EVI5: variants seen among roughly 807,000 people sequenced by gnomAD.
EVI5 encodes the protein ecotropic viral integration site 5, also known as ecotropic viral integration site 5 protein homolog.
A neutral mutation model predicts 112.0 loss-of-function variants in EVI5; 73 were observed. The observed-to-expected ratio is 0.65, with a 90% CI of 0.54 to 0.79. The LOEUF (loss-of-function observed/expected upper bound fraction) is 0.79, where lower values mean the gene tolerates loss of function less well. Among genes scored for constraint, EVI5 ranks in the 30% least tolerant of loss-of-function variants. The probability of loss-of-function intolerance (pLI) is 0.00; values close to 1 mark genes in which losing one functional copy is unlikely to be tolerated. For synonymous variants in EVI5, 305 were observed against 319.9 expected, an observed-to-expected ratio of 0.95 and a Z score of 0.50; for missense variants, 900 against 968.8, an observed-to-expected ratio of 0.93 and a Z score of 0.94.
intron 1 of EVI5, among the ~76,000 whole-genome samples, chr1:92,744,078 A>G (rs542241667): frequency 4.1e-4 from 62 of 152,204 alleles, no homozygotes; most frequent in African/African-American, 1.4e-3. Flanking sequence ...TGTTACTTAG[A>G]AGTGTGTTTT....
intron 16 of EVI5, among the ~76,000 whole-genome samples, chr1:92,615,226 C>G (rs907042679): frequency 6.6e-6 from 1 of 152,030 alleles, no homozygotes; most frequent in Non-Finnish European, 1.5e-5. Context: ...ATGTGGAGAA[C>G]CAAGGAATGT....
rs921423006 is a variant in EVI5 at position 92,611,925 on chromosome 1, GA to G, written c.1828-4199del. 6.7e-3 allele frequency among the ~76,000 whole-genome samples: 982 copies of G among 147,482 alleles called. 13 individuals carry two copies. The highest frequency in any genetic ancestry group is 0.023 in the African/African-American group (930 of 40,096). ...AAACAGTGAGACCCTATTTAAAAAA[GA>G]AAAAAAAATTAAATAGAAAAAAAAG... On this transcript the variant is annotated intron_variant, in intron 16 of 19. Coordinates refer to ENST00000684568, the MANE Select transcript of EVI5 (RefSeq NM_001350197.2).
intron 19 of EVI5, among the ~76,000 whole-genome samples, chr1:92,549,383 A>G (rs187623821): frequency 1.6e-4 from 24 of 152,210 alleles, no homozygotes; most frequent in African/African-American, 5.1e-4. Flanking sequence ...TAGACCTAAA[A>G]CTATAAAAAC....
Position 92,784,820 on chromosome 1 carries a change from G to A in EVI5, c.-82+16C>T, listed in dbSNP as rs1015939574. On this transcript the variant is annotated intron_variant, in intron 1 of 19. Coordinates refer to ENST00000684568, the MANE Select transcript of EVI5 (RefSeq NM_001350197.2). ...CCGGCCTCCCGGCCCGCCCGGCCTG[G>A]CGCAGCGCCCCTCACCTTGGAAACG... 2 of 985,576 alleles carry A rather than the reference G, an allele frequency of 2.0e-6. No homozygotes were observed. Among genetic ancestry groups the A allele is most frequent in the East Asian group, 2.3e-4 (2 of 8,816 alleles). 61.1% of individuals were successfully genotyped at this position (985,576 alleles called of 1,614,324 possible).
intron 2 of EVI5, among the ~76,000 whole-genome samples, chr1:92,723,574 C>T (rs12078923): frequency 0.024 from 3,625 of 152,262 alleles, 166 homozygotes; most frequent in African/African-American, 0.083. Flanking sequence ...TCTCTTAATC[C>T]TGTTATCTTC....
At chr1:92,523,414 C>A (rs1040454172) in intron 19 of EVI5, among the ~76,000 whole-genome samples, 1 of 151,312 alleles carries the variant, frequency 6.6e-6, no homozygotes, top group Non-Finnish European at 1.5e-5. Context: ...AGTTATATTT[C>A]AACATTTTAA....
intron 18 of EVI5, among the ~76,000 whole-genome samples, chr1:92,592,385 A>G (rs1388722038): frequency 6.6e-6 from 1 of 152,272 alleles, no homozygotes; most frequent in Non-Finnish European, 1.5e-5. Context: ...GAACAAAGAT[A>G]CAACATACCA....
At chr1:92,554,105 A>C (rs530825429) in intron 19 of EVI5, among the ~76,000 whole-genome samples, 10 of 152,242 alleles carry the variant, frequency 6.6e-5, no homozygotes, top group Non-Finnish European at 1.5e-4. Flanking sequence ...TTGAAGCAGA[A>C]TCTGAATGTC....
At chr1:92,534,227 T>C (rs1287942177) in intron 19 of EVI5, among the ~76,000 whole-genome samples, 2 of 152,132 alleles carry the variant, frequency 1.3e-5, no homozygotes, top group Non-Finnish European at 2.9e-5. Context: ...TTACAAGGGA[T>C]GTGAAGGACC....
intron 18 of EVI5, among the ~76,000 whole-genome samples, chr1:92,583,160 T>C (rs1672221473): frequency 6.6e-6 from 1 of 152,182 alleles, no homozygotes; most frequent in South Asian, 2.1e-4. Flanking sequence ...ATAAATATAC[T>C]ATAGTGTAAC....
At chr1:92,632,398 G>C (rs1412528530) in intron 14 of EVI5, among the ~76,000 whole-genome samples, 1 of 152,154 alleles carries the variant, frequency 6.6e-6, no homozygotes, top group Non-Finnish European at 1.5e-5. Context: ...CTTCTTCCTG[G>C]TTTAGTCTTG....
chr1:92,693,924 A>G (rs746663572), intron 8 of EVI5, 25 bp from the exon 9 acceptor site: 3 of 1,320,028 alleles, frequency 2.3e-6, no homozygotes, highest in Non-Finnish European at 3.2e-6. Context: ...AAAAAAAAAC[A>G]TAAGAATGAC....
intron 10 of EVI5, among the ~76,000 whole-genome samples, chr1:92,667,388 A>AT (rs1326449401): frequency 6.6e-6 from 1 of 152,116 alleles, no homozygotes; most frequent in Non-Finnish European, 1.5e-5. Context: ...GAATTTATTA[A>AT]TTTTTTCTGA....
At chr1:92,687,461 A>C (rs1381629088) in intron 9 of EVI5, among the ~76,000 whole-genome samples, 1 of 152,216 alleles carries the variant, frequency 6.6e-6, no homozygotes, top group Non-Finnish European at 1.5e-5. Context: ...AGGCAGTACC[A>C]TTCAGGACAT....
chr1:92,652,513 A>T (rs1024484682), intron 13 of EVI5, among the ~76,000 whole-genome samples: 2 of 152,218 alleles, frequency 1.3e-5, no homozygotes, highest in Admixed American at 1.3e-4. Context: ...ATCACAATGA[A>T]AAAAATCAGA....
intron 13 of EVI5, among the ~76,000 whole-genome samples, chr1:92,662,093 G>A (rs1459342084): frequency 1.3e-5 from 2 of 152,014 alleles, no homozygotes; most frequent in African/African-American, 4.8e-5. Context: ...ACGCACCCTA[G>A]GTTGATTAAG....
Position 92,624,217 on chromosome 1 carries a change from T to G in EVI5, c.1786A>C (p.Ile596Leu). ...RLREAETQAE[I>L]REIKQRMMEM... Reference sequence around the variant, plus strand: ...ATCATCCTTTGTTTTATTTCTCTTATTTCTGCTTGTGTTTCAGCTTCTCTA... The same window carrying G: ...ATCATCCTTTGTTTTATTTCTCTTAGTTCTGCTTGTGTTTCAGCTTCTCTA... The change falls in exon 16 of 20, where the codon ATA (isoleucine) becomes CTA (leucine). Residue 596 changes from isoleucine (I) to leucine (L), a missense_variant. By Grantham distance (5) the Ile-to-Leu change is conservative. Transcript: ENST00000684568. 1 of 1,613,968 alleles carries G rather than the reference T, an allele frequency of 6.2e-7. No individual in the cohort carries two copies.
In EVI5 at chr1:92,575,834, G is replaced by C. The variant is rs770589285; in HGVS notation, c.2071-12097C>G. 1.6e-3 allele frequency among the ~76,000 whole-genome samples: 244 copies of C among 151,986 alleles called. 1 individual carries two copies. Among genetic ancestry groups the C allele is most frequent in the Non-Finnish European group, 1.3e-3 (91 of 67,954 alleles). On this transcript the variant is annotated intron_variant, in intron 18 of 19. Transcript: ENST00000684568. ...TCACTTCAGCCTCCCAAAGTGCTGG[G>C]ATTACAGGCATAATCCCAGCCACCT...
intron 1 of EVI5, among the ~76,000 whole-genome samples, chr1:92,746,743 G>C (rs1342368597): frequency 1.3e-5 from 2 of 151,722 alleles, no homozygotes; most frequent in African/African-American, 4.8e-5. Flanking sequence ...AAATTAAAAA[G>C]AAAATTAGCC....
Sources: allele counts gnomAD v4.1 joint callset (sites outside exome capture counted in the v4.1 genomes callset), GRCh38; gene constraint gnomAD v4.1.1; transcripts MANE v1.5; gene names NCBI Gene and HGNC (gene_info 2026-07-23, HGNC 2026-07-21).